PTPRD: variants seen among roughly 807,000 people sequenced by gnomAD.
PTPRD encodes the protein receptor-type tyrosine-protein phosphatase delta.
PTPRD carries 34 observed loss-of-function variants against 214.5 expected under a neutral mutation model. The ratio of observed to expected loss-of-function variants is 0.16; its 90% CI spans 0.12 to 0.21. PTPRD has a LOEUF of 0.21. Ranked by LOEUF, PTPRD falls within the 10% of genes least tolerant of loss-of-function variation. The pLI, the probability that PTPRD is intolerant of heterozygous loss-of-function variation, is 1.00. For synonymous variants in PTPRD, 1,128 were observed against 845.7 expected (o/e 1.33, Z -5.79); for missense variants, 2,545 against 2,398.7 (o/e 1.06, Z -1.27).
chr9:8,821,880 G>A (rs1478935392), intron 11 of PTPRD, among the ~76,000 whole-genome samples: 1 of 152,114 alleles, frequency 6.6e-6, no homozygotes, highest in East Asian at 1.9e-4. Context: ...GGCCAGGCTG[G>A]TATCGAACTC....
Position 9,973,114 on chromosome 9 carries a change from TTCTC to T in PTPRD, c.-471-34508_-471-34505del, listed in dbSNP as rs112572009. ...ACTCCTACCAGAAGGGAATAGTCAT[TTCTC>T]TCTCTCTCTCTCCAACAGGGTTAAC... On this transcript the variant is annotated intron_variant, in intron 4 of 45. Coordinates refer to ENST00000381196, the MANE Select transcript of PTPRD (RefSeq NM_002839.4). 3.3e-5 allele frequency among the ~76,000 whole-genome samples: 5 copies of T among 150,494 alleles called. No homozygotes were observed. In the East Asian group the frequency reaches 5.8e-4, roughly 18 times the overall value.
rs186617453 is a variant in PTPRD at position 10,117,970 on chromosome 9, G to C, written c.-544-84180C>G. Among the ~76,000 whole-genome samples the C allele has an allele frequency of 3.0e-4, 45 of 152,036 alleles. 1 individual carries two copies. The highest frequency in any genetic ancestry group is 6.2e-4 in the Non-Finnish European group (42 of 67,922). ...TAGAGGTAAACTATCTACCAACCTG[G>C]AACTATTACCTGATACTTTCCCCCC... On this transcript the variant is annotated intron_variant, in intron 3 of 45. Transcript: ENST00000381196.
chr9:10,364,154 C>T (rs944116206), intron 2 of PTPRD, among the ~76,000 whole-genome samples: 39 of 151,860 alleles, frequency 2.6e-4, no homozygotes, highest in African/African-American at 9.4e-4. Context: ...CGCCCGCCAC[C>T]ATGCCCGGAT....
chr9:10,472,142 T>C (rs1409409830), intron 2 of PTPRD, among the ~76,000 whole-genome samples: 1 of 152,132 alleles, frequency 6.6e-6, no homozygotes, highest in Admixed American at 6.6e-5. Flanking sequence ...TAGAATACAG[T>C]AAATGAACTA....
chr9:9,452,846 C>A (rs1479618054), intron 8 of PTPRD, among the ~76,000 whole-genome samples: 2 of 151,398 alleles, frequency 1.3e-5, no homozygotes, highest in African/African-American at 4.8e-5. Context: ...ATTTCTAATT[C>A]AATAATATCC....
intron 11 of PTPRD, among the ~76,000 whole-genome samples, chr9:8,980,278 G>C (rs1232391584): frequency 3.3e-5 from 5 of 151,990 alleles, no homozygotes; most frequent in Admixed American, 1.3e-4. Flanking sequence ...ATACAATGTA[G>C]CAGATATGTA....
chr9:10,164,246 G>C (rs888828308), intron 3 of PTPRD, among the ~76,000 whole-genome samples: 33 of 151,438 alleles, frequency 2.2e-4, no homozygotes, highest in Non-Finnish European at 4.4e-5. Context: ...ATCTATTTTA[G>C]CACTCAAGTT....
At chr9:8,845,851 A>G (rs967148353) in intron 11 of PTPRD, among the ~76,000 whole-genome samples, 3 of 152,216 alleles carry the variant, frequency 2.0e-5, no homozygotes, top group African/African-American at 7.2e-5. Context: ...ATTTTATTAG[A>G]TACCATTAGT....
chr9:10,175,730 T>C (rs546693624), intron 3 of PTPRD, among the ~76,000 whole-genome samples: 21 of 151,940 alleles, frequency 1.4e-4, no homozygotes, highest in Non-Finnish European at 2.5e-4. Context: ...TTAAAGCAAA[T>C]CATTAAATTA....
intron 3 of PTPRD, among the ~76,000 whole-genome samples, chr9:10,099,983 A>G (rs529185636): frequency 1.3e-5 from 2 of 151,796 alleles, no homozygotes; most frequent in Non-Finnish European, 3.0e-5. Flanking sequence ...ATATATAAAC[A>G]TGTGTGATTT....
intron 2 of PTPRD, among the ~76,000 whole-genome samples, chr9:10,374,908 T>A (rs984478179): frequency 1.3e-5 from 2 of 152,034 alleles, no homozygotes; most frequent in Admixed American, 6.6e-5. Context: ...CTATGCTCAA[T>A]AATTTGGAAC....
chr9:10,024,226 A>G (rs912441940), intron 4 of PTPRD, among the ~76,000 whole-genome samples: 3 of 152,142 alleles, frequency 2.0e-5, no homozygotes, highest in Non-Finnish European at 2.9e-5. Context: ...TTATTTAAGT[A>G]ATGAATTTAA....
At chr9:9,158,754 A>C (rs946761690) in intron 10 of PTPRD, among the ~76,000 whole-genome samples, 1 of 152,216 alleles carries the variant, frequency 6.6e-6, no homozygotes, top group African/African-American at 2.4e-5. Flanking sequence ...AAGATACTAC[A>C]AAAGAAAAAA....
At chr9:9,902,543 A>G (rs1223616277) in intron 5 of PTPRD, among the ~76,000 whole-genome samples, 1 of 152,036 alleles carries the variant, frequency 6.6e-6, no homozygotes. Flanking sequence ...AGTATTTAAA[A>G]CCTCAATTTT....
intron 11 of PTPRD, among the ~76,000 whole-genome samples, chr9:8,764,748 T>A (rs1194013791): frequency 6.6e-6 from 1 of 151,570 alleles, no homozygotes; most frequent in Non-Finnish European, 1.5e-5. Context: ...TGAGCCGAGA[T>A]TGCCCCATTG....
At chr9:9,260,391 T>C (rs2099979569) in intron 9 of PTPRD, among the ~76,000 whole-genome samples, 1 of 151,890 alleles carries the variant, frequency 6.6e-6, no homozygotes, top group African/African-American at 2.4e-5. Context: ...TAAAATTACC[T>C]ATTTCTACCT....
At chr9:9,180,224 T>C (rs1433100011) in intron 10 of PTPRD, among the ~76,000 whole-genome samples, 3 of 151,434 alleles carry the variant, frequency 2.0e-5, no homozygotes, top group Non-Finnish European at 2.9e-5. Context: ...TAGACTGGAT[T>C]AAGAAAATGT....
chr9:8,800,397 G>T (rs1025439359), intron 11 of PTPRD, among the ~76,000 whole-genome samples: 1 of 152,054 alleles, frequency 6.6e-6, no homozygotes, highest in Non-Finnish European at 1.5e-5. Flanking sequence ...TCTAAGTCAC[G>T]GGATGAGATA....
At position 8,665,357 on chromosome 9, in the gene PTPRD, T is replaced by A. The variant is rs567857123; in HGVS notation, c.65-28513A>T. 1.6e-4 allele frequency among the ~76,000 whole-genome samples: 25 copies of A among 152,334 alleles called. 1 individual carries two copies. The South Asian group carries it at 5.2e-3, about 32-fold the overall frequency. On this transcript the variant is annotated intron_variant, in intron 12 of 45. Coordinates refer to ENST00000381196, the MANE Select transcript of PTPRD (RefSeq NM_002839.4). ...TGCATTGCACTGGGGAGTAGCATGA[T>A]GTCCACTTGAAACTGTATTATCTGG... is the stretch of plus-strand genomic sequence containing the variant.
Sources: gnomAD v4.1 joint callset for allele counts (sites outside exome capture counted in the v4.1 genomes callset) on GRCh38, gnomAD v4.1.1 for gene constraint, MANE v1.5 for transcripts, NCBI Gene and HGNC (gene_info 2026-07-23, HGNC 2026-07-21) for gene names.